The following SCAI variants were observed in gnomAD, a reference collection of about 807,000 sequenced individuals.
SCAI encodes protein SCAI.
In SCAI, 24 loss-of-function variants were observed where a neutral mutation model predicts 92.2. That is an observed-to-expected ratio of 0.26 (90% CI 0.19 to 0.37). The LOEUF (loss-of-function observed/expected upper bound fraction) is 0.37. Ranked by LOEUF, SCAI falls within the 10% of genes least tolerant of loss-of-function variation. The pLI, the probability that SCAI is intolerant of heterozygous loss-of-function variation, is 1.00. For missense variants in SCAI, 450 were observed against 736.2 expected (o/e 0.61, Z 4.50); for synonymous variants, 261 against 258.6 (o/e 1.01, Z -0.09).
intron 3 of SCAI, among the ~76,000 whole-genome samples, chr9:125,034,882 C>T (rs947660659): frequency 2.6e-5 from 4 of 152,114 alleles, no homozygotes; most frequent in Non-Finnish European, 5.9e-5. Flanking sequence ...CCTGGCTTTG[C>T]TATGTATAAT....
chr9:125,038,393 C>T (rs967717904), intron 3 of SCAI, among the ~76,000 whole-genome samples: 4 of 152,178 alleles, frequency 2.6e-5, no homozygotes, highest in Admixed American at 2.0e-4. Context: ...CAGTGTACAT[C>T]GGTAGTTCAC....
chr9:125,040,511 A>G (rs973066294), intron 3 of SCAI, among the ~76,000 whole-genome samples: 8 of 152,234 alleles, frequency 5.3e-5, no homozygotes, highest in African/African-American at 1.9e-4. Context: ...TCTTTAATAC[A>G]TAGAGAATTA....
In SCAI at chr9:125,056,027, C is replaced by A; in HGVS notation, c.99-20G>T. On this transcript the variant is annotated intron_variant, in intron 2 of 17. Transcript: ENST00000336505. ...TCAGTCCTGTAAGAAAACATATGTT[C>A]ATTCATGCAGGAGGTAAAAATAAAA... 1.3e-6 allele frequency: 2 copies of A among 1,572,648 alleles called. No individual in the cohort carries two copies. Among genetic ancestry groups the A allele is most frequent in the South Asian group, 2.3e-5 (2 of 85,154 alleles).
chr9:125,132,392 GT>G (rs1835421137), intron 2 of SCAI, among the ~76,000 whole-genome samples: 1 of 152,096 alleles, frequency 6.6e-6, no homozygotes, highest in African/African-American at 2.4e-5. Context: ...GATTACAGGT[GT>G]GAGCCACTGC....
chr9:125,105,853 C>T (rs1588225867), intron 2 of SCAI, among the ~76,000 whole-genome samples: 1 of 151,616 alleles, frequency 6.6e-6, no homozygotes, highest in Admixed American at 6.6e-5. Flanking sequence ...AATCCCAGCA[C>T]TCTGGGAGGC....
intron 2 of SCAI, among the ~76,000 whole-genome samples, chr9:125,105,198 G>A (rs1167402278): frequency 1.3e-5 from 2 of 152,020 alleles, no homozygotes; most frequent in African/African-American, 4.8e-5. Context: ...AGCTGGGCAT[G>A]GTGACATGCC....
chr9:125,056,232 G>A lies in SCAI; in HGVS notation c.99-225C>T, dbSNP rs549129516. On this transcript the variant is annotated intron_variant, in intron 2 of 17. Transcript: ENST00000336505. Reference sequence around the variant, plus strand: ...TGTAATCCCAGCACTTTGGGAGGCCGAGGTGGATGGATCACCTGAGGTCAG... The same window carrying A: ...TGTAATCCCAGCACTTTGGGAGGCCAAGGTGGATGGATCACCTGAGGTCAG... 1.5e-4 allele frequency among the ~76,000 whole-genome samples: 23 copies of A among 152,252 alleles called. 1 individual carries two copies. The South Asian group carries it at 1.9e-3, about 12-fold the overall frequency.
intron 9 of SCAI, among the ~76,000 whole-genome samples, chr9:125,015,114 A>G (rs1409501561): frequency 6.6e-6 from 1 of 152,220 alleles, no homozygotes; most frequent in Non-Finnish European, 1.5e-5. Context: ...TTCAGTACGT[A>G]GGCATGGGCA....
At chr9:125,081,903 A>T (rs1588206032) in intron 2 of SCAI, among the ~76,000 whole-genome samples, 1 of 152,298 alleles carries the variant, frequency 6.6e-6, no homozygotes, top group Non-Finnish European at 1.5e-5. Flanking sequence ...AGAAGAACAT[A>T]AAAGTTTGGA....
At position 125,137,095 on chromosome 9, in the gene SCAI, C is replaced by T. The variant is rs1835554112; in HGVS notation, c.98+5538G>A. The stretch of plus-strand genomic sequence containing the variant: ...TTTAAATATCTGGCTACAACCATTA[C>T]ATCCTTATTCTATAATTCATCTTTG... On this transcript the variant is annotated intron_variant, in intron 2 of 17. Transcript: ENST00000336505. 1.3e-5 allele frequency among the ~76,000 whole-genome samples: 2 copies of T among 152,160 alleles called. 1 individual carries two copies. The highest frequency in any genetic ancestry group is 4.1e-4 in the South Asian group (2 of 4,826).
chr9:125,039,955 T>C (rs1833285810), intron 3 of SCAI, among the ~76,000 whole-genome samples: 1 of 152,178 alleles, frequency 6.6e-6, no homozygotes, highest in Admixed American at 6.6e-5. Context: ...ATGAAAATAA[T>C]AAAAGTCTCT....
intron 2 of SCAI, among the ~76,000 whole-genome samples, chr9:125,088,775 G>C (rs1834371549): frequency 6.6e-6 from 1 of 152,068 alleles, no homozygotes; most frequent in East Asian, 1.9e-4. Context: ...ACCATGCCTG[G>C]ATGTATTATT....
chr9:125,126,589 T>TGTGAGA (rs10680873), intron 2 of SCAI, among the ~76,000 whole-genome samples: 51 of 143,252 alleles, frequency 3.6e-4, no homozygotes, highest in African/African-American at 1.2e-3. Flanking sequence ...TGTGTGTGTG[T>TGTGAGA]GAGAGAGAGA....
chr9:125,079,050 C>T (rs1165251177), intron 2 of SCAI, among the ~76,000 whole-genome samples: 1 of 151,482 alleles, frequency 6.6e-6, no homozygotes, highest in Non-Finnish European at 1.5e-5. Flanking sequence ...TAATAGTTTC[C>T]TCTATTTTCC....
chr9:124,954,714 G>A (rs762966722), intron 17 of SCAI, among the ~76,000 whole-genome samples: 11 of 151,956 alleles, frequency 7.2e-5, no homozygotes, highest in Non-Finnish European at 1.3e-4. Flanking sequence ...AGAGCATTTC[G>A]TCACCCCCAA....
intron 2 of SCAI, among the ~76,000 whole-genome samples, chr9:125,062,444 TAA>T (rs77722544): frequency 5.3e-4 from 65 of 123,632 alleles, no homozygotes; most frequent in East Asian, 4.6e-4. Flanking sequence ...ATATTAAAAT[TAA>T]AAAAAAAAAA....
intron 6 of SCAI, among the ~76,000 whole-genome samples, chr9:125,021,930 G>A (rs556843679): frequency 9.9e-5 from 15 of 152,076 alleles, no homozygotes; most frequent in African/African-American, 3.1e-4. Context: ...TGTTTTTAAT[G>A]AAATCGTACC....
intron 14 of SCAI, among the ~76,000 whole-genome samples, chr9:124,981,998 A>G (rs1189224438): frequency 6.6e-6 from 1 of 152,146 alleles, no homozygotes; most frequent in Non-Finnish European, 1.5e-5. Flanking sequence ...CTTTTGATAG[A>G]TGATTCTATT....
At position 124,968,261 on chromosome 9, in the gene SCAI, C is replaced by T. The variant is rs1831577739; in HGVS notation, c.1674+3109G>A. On this transcript the variant is annotated intron_variant, in intron 17 of 17. Transcript: ENST00000336505. Reference sequence around the variant, plus strand: ...TAATGAAGCTGGGGTCTTGGCCTGACAGCTTTTAATATCCTTAAAACCGGG... The same window carrying T: ...TAATGAAGCTGGGGTCTTGGCCTGATAGCTTTTAATATCCTTAAAACCGGG... 5 of 1,119,026 alleles carry T rather than the reference C, an allele frequency of 4.5e-6. No homozygotes were observed. The South Asian group carries it at 5.1e-5, about 11-fold the overall frequency. 69.3% of individuals were successfully genotyped at this position (1,119,026 alleles called of 1,614,324 possible).
Sources: gnomAD v4.1 joint callset for allele counts (sites outside exome capture counted in the v4.1 genomes callset) on GRCh38, gnomAD v4.1.1 for gene constraint, MANE v1.5 for transcripts, NCBI Gene and HGNC (gene_info 2026-07-23, HGNC 2026-07-21) for gene names.